Variants in ZFHX3 observed in about 807,000 individuals in gnomAD.
ZFHX3 encodes zinc finger homeobox protein 3.
A neutral mutation model predicts 279.1 loss-of-function variants in ZFHX3; 42 were observed. That is an observed-to-expected ratio of 0.15 (90% CI 0.12 to 0.19). The LOEUF (loss-of-function observed/expected upper bound fraction) is 0.19. Ranked by LOEUF, ZFHX3 falls within the 10% of genes least tolerant of loss-of-function variation. The probability of loss-of-function intolerance (pLI) is 1.00; values close to 1 mark genes in which losing one functional copy is unlikely to be tolerated. For synonymous variants in ZFHX3, 2,293 were observed against 1,957.8 expected, an observed-to-expected ratio of 1.17 and a Z score of -4.52; for missense variants, 4,981 against 4,754.0, an observed-to-expected ratio of 1.05 and a Z score of -1.40.
intron 3 of ZFHX3, among the ~76,000 whole-genome samples, chr16:73,344,686 CAGAGAGAGACAG>C (rs2016092913): frequency 1.3e-5 from 2 of 152,110 alleles, no homozygotes; most frequent in South Asian, 4.2e-4. Flanking sequence ...TATATATCTA[CAGAGAGAGACAG>C]AGAGAGAGAG....
intron 4 of ZFHX3, among the ~76,000 whole-genome samples, chr16:73,275,819 G>T (rs1308027835): frequency 6.6e-6 from 1 of 152,160 alleles, no homozygotes. Flanking sequence ...TCTTCAATTT[G>T]TAAAAAATGC....
At chr16:73,366,605 A>G (rs9928533) in intron 3 of ZFHX3, among the ~76,000 whole-genome samples, 39,119 of 147,140 alleles carry the variant, frequency 0.27, 5,505 homozygotes, top group Middle Eastern at 0.35. Flanking sequence ...AAAAAAAAAA[A>G]AGAGAGAAAG....
At chr16:73,466,423 A>C (rs897066066) in intron 2 of ZFHX3, among the ~76,000 whole-genome samples, 1 of 152,222 alleles carries the variant, frequency 6.6e-6, no homozygotes, top group African/African-American at 2.4e-5. Context: ...ATGGGGTTGC[A>C]GTAAGCTGTG....
intron 6 of ZFHX3, among the ~76,000 whole-genome samples, chr16:73,131,507 G>C (rs747276239): frequency 6.6e-6 from 1 of 152,204 alleles, no homozygotes; most frequent in Admixed American, 6.5e-5. Flanking sequence ...AGCTAAGTCA[G>C]ACAGGGTACT....
chr16:73,501,131 A>T (rs956949942), intron 2 of ZFHX3, among the ~76,000 whole-genome samples: 8 of 152,244 alleles, frequency 5.3e-5, no homozygotes, highest in African/African-American at 1.9e-4. Flanking sequence ...TTGTGTTATA[A>T]ATGCCTATAG....
chr16:73,749,552 A>C (rs914997725), intron 1 of ZFHX3, among the ~76,000 whole-genome samples: 1 of 152,186 alleles, frequency 6.6e-6, no homozygotes, highest in African/African-American at 2.4e-5. Flanking sequence ...ATTATGAAGT[A>C]TTTAAAAAAC....
intron 8 of ZFHX3, among the ~76,000 whole-genome samples, chr16:73,071,175 G>A (rs1327523783): frequency 6.6e-6 from 1 of 151,448 alleles, no homozygotes; most frequent in Non-Finnish European, 1.5e-5. Context: ...CTGGGCCAGG[G>A]GTAGGGGGAG....
chr16:73,669,419 C>G (rs2052879781), intron 2 of ZFHX3, among the ~76,000 whole-genome samples: 1 of 152,202 alleles, frequency 6.6e-6, no homozygotes, highest in Non-Finnish European at 1.5e-5. Context: ...CCCACGTGAT[C>G]TCTAGATGAC....
At chr16:73,547,212 C>T (rs1195631169) in intron 2 of ZFHX3, among the ~76,000 whole-genome samples, 1 of 151,970 alleles carries the variant, frequency 6.6e-6, no homozygotes, top group East Asian at 1.9e-4. Context: ...TGCACATCGG[C>T]TATGGTACTA....
chr16:73,286,571 G>C (rs1597262844), intron 4 of ZFHX3, among the ~76,000 whole-genome samples: 1 of 149,018 alleles, frequency 6.7e-6, no homozygotes, highest in Non-Finnish European at 1.5e-5. Context: ...GTGTGTGGCT[G>C]TGTGGGTCTC....
chr16:73,163,158 A>G (rs1318887045), intron 5 of ZFHX3, among the ~76,000 whole-genome samples: 1 of 152,228 alleles, frequency 6.6e-6, no homozygotes, highest in Non-Finnish European at 1.5e-5. Context: ...TTGATTGCCT[A>G]AGTCCATCTA....
chr16:73,090,890 G>C (rs958582336), intron 8 of ZFHX3, among the ~76,000 whole-genome samples: 3 of 137,336 alleles, frequency 2.2e-5, no homozygotes, highest in African/African-American at 9.1e-5. Context: ...CAGCCTGGGA[G>C]ACAGAGTAAG....
At chr16:73,710,021 A>T (rs1040309579) in intron 1 of ZFHX3, among the ~76,000 whole-genome samples, 3 of 43,790 alleles carry the variant, frequency 6.9e-5, no homozygotes, top group Non-Finnish European at 3.1e-4. Context: ...ATCTCTACTA[A>T]AAATACAAAA....
At chr16:73,316,055 C>T (rs1270837425) in intron 4 of ZFHX3, among the ~76,000 whole-genome samples, 1 of 152,140 alleles carries the variant, frequency 6.6e-6, no homozygotes, top group African/African-American at 2.4e-5. Flanking sequence ...GGGAGAGGCT[C>T]TCAGAGGACA....
intron 1 of ZFHX3, chr16:73,794,007 T>A (rs1344775546): frequency 6.6e-6 from 1 of 152,216 alleles, no homozygotes; most frequent in Non-Finnish European, 1.5e-5. Flanking sequence ...ATTATTCACA[T>A]GTTACATGAC....
intron 1 of ZFHX3, among the ~76,000 whole-genome samples, chr16:73,834,434 G>A (rs1961084255): frequency 6.6e-6 from 1 of 152,222 alleles, no homozygotes; most frequent in Admixed American, 6.5e-5. Flanking sequence ...AAGTGTTCTT[G>A]GAGGGATGGC....
chr16:73,241,203 T>C (rs892231019), intron 5 of ZFHX3, among the ~76,000 whole-genome samples: 2 of 152,236 alleles, frequency 1.3e-5, no homozygotes, highest in East Asian at 3.9e-4. Flanking sequence ...GGATTATACA[T>C]GATAGTCTGA....
At chr16:73,879,451 C>G (rs1216277556) in intron 1 of ZFHX3, among the ~76,000 whole-genome samples, 1 of 152,026 alleles carries the variant, frequency 6.6e-6, no homozygotes, top group Admixed American at 6.6e-5. Context: ...CCGGCATGTC[C>G]TTTGCTCATT....
chr16:73,562,758 G>C, intron 2 of ZFHX3, among the ~76,000 whole-genome samples: 1 of 151,282 alleles, frequency 6.6e-6, no homozygotes, highest in African/African-American at 2.4e-5. Flanking sequence ...AAATAAAAAA[G>C]AGTACAGGCA....
Sources: allele counts gnomAD v4.1 joint callset (sites outside exome capture counted in the v4.1 genomes callset), GRCh38; gene constraint gnomAD v4.1.1; transcripts MANE v1.5; gene names NCBI Gene and HGNC (gene_info 2026-07-23, HGNC 2026-07-21).